Variants in MSRA observed in about 807,000 individuals in gnomAD.
MSRA encodes methionine sulfoxide reductase A.
A neutral mutation model predicts 31.3 loss-of-function variants in MSRA; 54 were observed. That is an observed-to-expected ratio of 1.73 (90% confidence interval 1.39 to 2.17). MSRA has a LOEUF of 2.17. Ranked by LOEUF, MSRA falls within the 30% of genes most tolerant of loss-of-function variation. MSRA has a pLI of 0.00. For missense variants in MSRA, 507 were observed against 300.9 expected (o/e 1.69, Z -5.07); for synonymous variants, 169 against 116.5 (o/e 1.45, Z -2.90).
At chr8:10,175,087 G>A (rs561854143) in intron 1 of MSRA, among the ~76,000 whole-genome samples, 2 of 152,022 alleles carry the variant, frequency 1.3e-5, no homozygotes, top group Admixed American at 6.5e-5. Flanking sequence ...TACTCTACCT[G>A]TCTAGCCCCT....
At chr8:10,337,797 A>G (rs1175467655) in intron 5 of MSRA, 1 of 702,594 alleles carries the variant, frequency 1.4e-6, no homozygotes, top group Non-Finnish European at 2.6e-6. Flanking sequence ...TCTTCAAGAA[A>G]ACATTATTAA....
At chr8:10,094,475 T>C (rs1398825385) in intron 1 of MSRA, among the ~76,000 whole-genome samples, 1 of 152,182 alleles carries the variant, frequency 6.6e-6, no homozygotes, top group African/African-American at 2.4e-5. Flanking sequence ...TGCATAAACG[T>C]AGTAGTTTGG....
chr8:10,242,685 A>G (rs1797397739), intron 2 of MSRA, among the ~76,000 whole-genome samples: 1 of 152,182 alleles, frequency 6.6e-6, no homozygotes, highest in Non-Finnish European at 1.5e-5. Context: ...TTTATGAGTA[A>G]TTTTGCTATA....
chr8:10,209,372 A>C (rs1809282396), intron 2 of MSRA, among the ~76,000 whole-genome samples: 1 of 152,188 alleles, frequency 6.6e-6, no homozygotes, highest in South Asian at 2.1e-4. Context: ...AATGACACTA[A>C]CCTATTATTA....
At chr8:10,381,505 C>G (rs762419321) in intron 5 of MSRA, among the ~76,000 whole-genome samples, 6 of 152,156 alleles carry the variant, frequency 3.9e-5, no homozygotes, top group Non-Finnish European at 7.3e-5. Flanking sequence ...GTGTACCCTA[C>G]GGGCCCCTCC....
intron 1 of MSRA, among the ~76,000 whole-genome samples, chr8:10,117,296 C>A (rs763604724): frequency 1.3e-5 from 2 of 152,074 alleles, no homozygotes; most frequent in Non-Finnish European, 2.9e-5. Context: ...GAGCACTGGG[C>A]ATTTAGGGAA....
intron 5 of MSRA, among the ~76,000 whole-genome samples, chr8:10,398,488 C>G (rs1807242739): frequency 6.6e-6 from 1 of 152,190 alleles, no homozygotes; most frequent in South Asian, 2.1e-4. Flanking sequence ...CCTCAGAGGG[C>G]TTGACTACTG....
chr8:10,241,707 C>T (rs1812429985), intron 2 of MSRA, among the ~76,000 whole-genome samples: 1 of 152,122 alleles, frequency 6.6e-6, no homozygotes. Flanking sequence ...ATGAAAGAGA[C>T]AACTAGACAT....
At chr8:10,279,696 A>G (rs1256942241) in intron 3 of MSRA, among the ~76,000 whole-genome samples, 1 of 152,238 alleles carries the variant, frequency 6.6e-6, no homozygotes, top group East Asian at 1.9e-4. Flanking sequence ...CCTAGAAGGC[A>G]CAAGATATTT....
chr8:10,104,343 G>A (rs1430394992), intron 1 of MSRA, among the ~76,000 whole-genome samples: 1 of 152,204 alleles, frequency 6.6e-6, no homozygotes, highest in African/African-American at 2.4e-5. Context: ...GGTTAAGGAT[G>A]CATCTGTGAC....
intron 2 of MSRA, among the ~76,000 whole-genome samples, chr8:10,215,579 A>T (rs1037655341): frequency 1.3e-5 from 2 of 152,182 alleles, no homozygotes; most frequent in African/African-American, 4.8e-5. Flanking sequence ...CCCGTAACTC[A>T]GGGATTTTGA....
intron 1 of MSRA, among the ~76,000 whole-genome samples, chr8:10,135,717 A>T (rs140915358): frequency 7.6e-4 from 116 of 152,284 alleles, no homozygotes; most frequent in African/African-American, 2.6e-3. Context: ...TGCCATTTTT[A>T]TGGGCAAAGA....
intron 1 of MSRA, among the ~76,000 whole-genome samples, chr8:10,112,302 T>G (rs1203932740): frequency 1.3e-5 from 2 of 152,190 alleles, no homozygotes; most frequent in Non-Finnish European, 2.9e-5. Flanking sequence ...CAAAAGCCAT[T>G]TGGTTTGATT....
At chr8:10,392,348 G>C (rs539135833) in intron 5 of MSRA, among the ~76,000 whole-genome samples, 1 of 152,298 alleles carries the variant, frequency 6.6e-6, no homozygotes, top group South Asian at 2.1e-4. Context: ...AGTCATAGAG[G>C]CTGACTCCCT....
chr8:10,130,644 G>A (rs987067286), intron 1 of MSRA, among the ~76,000 whole-genome samples: 5 of 152,168 alleles, frequency 3.3e-5, no homozygotes, highest in Non-Finnish European at 5.9e-5. Flanking sequence ...CATACAAAGC[G>A]ATTTTGGAGG....
chr8:10,283,836 T>TATATATACACACACAC lies in MSRA; in HGVS notation c.332-17697_332-17696insTATATACACACACACA, dbSNP rs1261287031. ...ATATATATATATATATATATATATA[T>TATATATACACACACAC]ACACACACACACACACACACACACA... On this transcript the variant is annotated intron_variant, in intron 3 of 5. Coordinates refer to ENST00000317173, the MANE Select transcript of MSRA (RefSeq NM_012331.5). Among the ~76,000 whole-genome samples, 29 of 53,144 alleles carry TATATATACACACACAC rather than the reference T, an allele frequency of 5.5e-4. 1 individual carries two copies. Among genetic ancestry groups the TATATATACACACACAC allele is most frequent in the East Asian group, 3.4e-3 (4 of 1,184 alleles). The allele number at this position is 53,144 out of a possible 152,430, so 34.9% of individuals were successfully genotyped here.
chr8:10,288,332 T>C (rs757637996), intron 3 of MSRA, among the ~76,000 whole-genome samples: 4 of 152,298 alleles, frequency 2.6e-5, no homozygotes, highest in Middle Eastern at 3.4e-3. Flanking sequence ...ATGTAAGATA[T>C]TTTTGTCCCC....
intron 1 of MSRA, among the ~76,000 whole-genome samples, chr8:10,087,017 C>A (rs936079573): frequency 2.0e-5 from 3 of 152,112 alleles, no homozygotes; most frequent in Non-Finnish European, 2.9e-5. Flanking sequence ...GGAAGTTTAT[C>A]TTCTATGACA....
intron 4 of MSRA, among the ~76,000 whole-genome samples, chr8:10,306,111 G>C (rs1195243790): frequency 6.6e-6 from 1 of 152,120 alleles, no homozygotes. Context: ...GACTCCCACT[G>C]TCTCCAGGCA....
Sources: gnomAD v4.1 joint callset for allele counts (sites outside exome capture counted in the v4.1 genomes callset) on GRCh38, gnomAD v4.1.1 for gene constraint, MANE v1.5 for transcripts, NCBI Gene and HGNC (gene_info 2026-07-23, HGNC 2026-07-21) for gene names.